The following MAP4 variants were observed in gnomAD, a reference collection of about 807,000 sequenced individuals.
MAP4 encodes microtubule-associated protein 4.
In MAP4, 76 loss-of-function variants were observed where a neutral mutation model predicts 170.2. That is an observed-to-expected ratio of 0.45 (90% CI 0.37 to 0.54). MAP4 has a LOEUF of 0.54. MAP4 is among the 20% of genes least tolerant of loss of function. MAP4 has a pLI of 0.00. For missense variants in MAP4, 2,506 were observed against 2,748.0 expected, an observed-to-expected ratio of 0.91 and a Z score of 1.97; for synonymous variants, 909 against 994.5, an observed-to-expected ratio of 0.91 and a Z score of 1.62.
chr3:47,941,147 G>A (rs1481421957), intron 3 of MAP4, among the ~76,000 whole-genome samples: 1 of 145,860 alleles, frequency 6.9e-6, no homozygotes, highest in African/African-American at 2.6e-5. Context: ...CCAAAGTCCT[G>A]GGATTACAGC....
intron 3 of MAP4, chr3:47,973,215 CATT>C: frequency 1.0e-6 from 1 of 981,314 alleles, no homozygotes. Context: ...ATTATAAAAA[CATT>C]ATTTAAAAAC....
intron 1 of MAP4, among the ~76,000 whole-genome samples, chr3:48,002,209 C>G (rs2100099542): frequency 6.8e-6 from 1 of 147,862 alleles, no homozygotes; most frequent in Non-Finnish European, 1.5e-5. Context: ...TCACTGCACT[C>G]TAGCCTGGGT....
At position 47,880,465 on chromosome 3, in the gene MAP4, G is replaced by GTTTT. The variant is rs3079393; in HGVS notation, c.5435-2946_5435-2943dup. Among the ~76,000 whole-genome samples the GTTTT allele has an allele frequency of 1.9e-3, 200 of 106,060 alleles. 5 individuals carry two copies. Among genetic ancestry groups the GTTTT allele is most frequent in the South Asian group, 8.2e-3 (24 of 2,940 alleles). 69.6% of individuals were successfully genotyped at this position (106,060 alleles called of 152,430 possible). ...TATACCTGAAATAATTCCAATTTCA[G>GTTTT]TTTTTTTTTTTTTTTTTTTTTTAAG... On this transcript the variant is annotated intron_variant, in intron 10 of 20. Coordinates refer to ENST00000683076, the MANE Select transcript of MAP4 (RefSeq NM_001385682.1).
At chr3:47,967,391 G>A (rs1174118635) in intron 3 of MAP4, among the ~76,000 whole-genome samples, 2 of 152,032 alleles carry the variant, frequency 1.3e-5, no homozygotes, top group African/African-American at 2.4e-5. Context: ...AGTGGCTTAC[G>A]CCTGCAATCC....
chr3:47,874,146 T>TAGAGA (rs1342268796), intron 12 of MAP4, among the ~76,000 whole-genome samples: 1 of 152,230 alleles, frequency 6.6e-6, no homozygotes, highest in African/African-American at 2.4e-5. Flanking sequence ...TGGGCCTCTC[T>TAGAGA]GAGCTTTATT....
upstream of MAP4, among the ~76,000 whole-genome samples, chr3:48,021,031 T>C (rs1032713408): frequency 6.6e-6 from 1 of 152,100 alleles, no homozygotes; most frequent in Non-Finnish European, 1.5e-5. Context: ...TAAAGTTGAG[T>C]CCGAGAGGCA....
chr3:48,086,461 A>G (rs2100149104), intron 1 of MAP4, among the ~76,000 whole-genome samples: 1 of 152,188 alleles, frequency 6.6e-6, no homozygotes, highest in African/African-American at 2.4e-5. Context: ...CAACGTGGCG[A>G]AACCCCGTCT....
At chr3:47,854,883 C>T (rs1181013399) in intron 19 of MAP4, among the ~76,000 whole-genome samples, 2 of 152,228 alleles carry the variant, frequency 1.3e-5, no homozygotes, top group East Asian at 3.9e-4. Context: ...CCCACATTCC[C>T]CTTGGCGCGA....
At chr3:48,064,338 T>C (rs1260497213) in intron 1 of MAP4, among the ~76,000 whole-genome samples, 2 of 152,108 alleles carry the variant, frequency 1.3e-5, no homozygotes, top group African/African-American at 4.8e-5. Context: ...CTATCTTGTC[T>C]TGTGGCCCCC....
chr3:47,896,365 A>T (rs1303216562), intron 10 of MAP4, among the ~76,000 whole-genome samples: 1 of 152,186 alleles, frequency 6.6e-6, no homozygotes, highest in East Asian at 1.9e-4. Context: ...CCCCGTGTCT[A>T]CTAAAAATAC....
At chr3:47,995,656 A>G (rs2100095097) in intron 2 of MAP4, among the ~76,000 whole-genome samples, 1 of 152,150 alleles carries the variant, frequency 6.6e-6, no homozygotes, top group East Asian at 1.9e-4. Context: ...ATATTAAGGA[A>G]GCAGGTTTTC....
intron 1 of MAP4, among the ~76,000 whole-genome samples, chr3:48,070,667 A>G (rs1468931433): frequency 6.6e-6 from 1 of 151,682 alleles, no homozygotes; most frequent in Non-Finnish European, 1.5e-5. Context: ...GGACCCACCA[A>G]TACATTCTTT....
chr3:48,005,314 T>C (rs1370584928), intron 1 of MAP4, among the ~76,000 whole-genome samples: 4 of 134,672 alleles, frequency 3.0e-5, no homozygotes, highest in Non-Finnish European at 6.3e-5. Flanking sequence ...TGAGCTGAGA[T>C]TGTGCCACTG....
At position 48,044,490 on chromosome 3, in the gene MAP4, C is replaced by A. The variant is rs374082685; in HGVS notation, c.-20+44283G>T. Among the ~76,000 whole-genome samples the A allele has an allele frequency of 7.9e-5, 12 of 151,928 alleles. No individual in the cohort carries two copies. In the East Asian group the frequency reaches 1.6e-3, roughly 20 times the overall value. On this transcript the variant is annotated intron_variant, in intron 1 of 18. Coordinates refer to the MAP4 transcript ENST00000360240. ...AATTTTTAAAAAATTTTGGGCCAGG[C>A]ACAGTGGCTCATGCCTGTAATCCCA...
intron 3 of MAP4, among the ~76,000 whole-genome samples, chr3:47,961,990 C>T (rs1361637945): frequency 6.6e-6 from 1 of 152,146 alleles, no homozygotes; most frequent in Non-Finnish European, 1.5e-5. Context: ...AAAGTAACCT[C>T]GAGTTGCCCT....
At chr3:47,858,982 T>C (rs1427175740) in intron 17 of MAP4, among the ~76,000 whole-genome samples, 5 of 151,720 alleles carry the variant, frequency 3.3e-5, no homozygotes, top group Non-Finnish European at 7.4e-5. Flanking sequence ...CAAAAAAAAT[T>C]AGCCGGGCGT....
intron 1 of MAP4, among the ~76,000 whole-genome samples, chr3:48,060,932 T>TCA (rs2100134856): frequency 6.6e-6 from 1 of 151,812 alleles, no homozygotes; most frequent in African/African-American, 2.4e-5. Context: ...GCAAGCTCCG[T>TCA]CTCCCAAGTA....
At chr3:48,066,895 C>T (rs1196157429) in intron 1 of MAP4, among the ~76,000 whole-genome samples, 1 of 120,736 alleles carries the variant, frequency 8.3e-6, no homozygotes, top group Non-Finnish European at 1.6e-5. Context: ...GGCTGGAGAG[C>T]AGTGGTACGA....
chr3:47,872,405 G>A (rs922045466), intron 12 of MAP4, among the ~76,000 whole-genome samples: 5 of 152,068 alleles, frequency 3.3e-5, no homozygotes, highest in Non-Finnish European at 7.4e-5. Context: ...GGATGATCTC[G>A]ATCTCCTGAC....
Sources: gnomAD v4.1 joint callset for allele counts (sites outside exome capture counted in the v4.1 genomes callset) on GRCh38, gnomAD v4.1.1 for gene constraint, MANE v1.5 for transcripts, NCBI Gene and HGNC (gene_info 2026-07-23, HGNC 2026-07-21) for gene names.